ANOS1: variants seen among roughly 807,000 people sequenced by gnomAD.
ANOS1 encodes anosmin 1, also known as anosmin-1.
ANOS1 carries 6 observed loss-of-function variants against 59.0 expected under a neutral mutation model. The ratio of observed to expected loss-of-function variants is 0.10; its 90% CI spans 0.06 to 0.20. The LOEUF (loss-of-function observed/expected upper bound fraction) is 0.20. Among genes scored for constraint, ANOS1 ranks in the 10% least tolerant of loss-of-function variants. The pLI, the probability that ANOS1 is intolerant of heterozygous loss-of-function variation, is 1.00. For synonymous variants in ANOS1, 217 were observed against 223.4 expected (o/e 0.97, Z 0.25); for missense variants, 433 against 542.3 (o/e 0.80, Z 2.00).
chrX:8,722,580 C>T (rs1406068845), intron 1 of ANOS1, among the ~76,000 whole-genome samples: 59 of 110,970 alleles, frequency 5.3e-4, no homozygotes, highest in African/African-American at 1.2e-3. Flanking sequence ...TGTGTACACA[C>T]ACACACACAC....
At chrX:8,571,867 CA>C (rs1930238978) in intron 6 of ANOS1, among the ~76,000 whole-genome samples, 1 of 110,664 alleles carries the variant, frequency 9.0e-6, no homozygotes, top group Non-Finnish European at 1.9e-5. Flanking sequence ...GTTGGAGGCT[CA>C]AAAAAGTAAT....
At chrX:8,550,050 A>C (rs1929831313) in intron 9 of ANOS1, among the ~76,000 whole-genome samples, 1 of 111,914 alleles carries the variant, frequency 8.9e-6, no homozygotes, top group African/African-American at 3.2e-5. Context: ...GGAAAATATA[A>C]AATTCTCATT....
rs1257758085 is a variant in ANOS1 at position 8,668,034 on chromosome X, T to A, written c.255+31664A>T. Among the ~76,000 whole-genome samples the A allele has an allele frequency of 2.4e-4, 26 of 108,339 alleles. No individual in the cohort carries two copies. The Admixed American group carries it at 2.6e-3, about 11-fold the overall frequency. The allele number at this position is 108,339 out of a possible 115,157, so 94.1% of individuals were successfully genotyped here. A position where few individuals can be genotyped will look rare whatever the true frequency, so the allele number is the denominator to read the frequency against. ...CAGGCGTATTTAAGGTATTTTTAAA[T>A]TTTTTTTTTATTTCCATAGGTTATT... On this transcript the variant is annotated intron_variant, in intron 2 of 13. Transcript: ENST00000262648.
intron 2 of ANOS1, among the ~76,000 whole-genome samples, chrX:8,684,703 C>T (rs950122025): frequency 3.7e-5 from 4 of 109,251 alleles, no homozygotes; most frequent in Non-Finnish European, 3.8e-5. Context: ...CTCCCAAACA[C>T]GAAAGCATGA....
chrX:8,536,756 C>T lies in ANOS1; in HGVS notation c.1621+15G>A. 1.7e-6 allele frequency: 2 copies of T among 1,190,193 alleles called. No individual in the cohort carries two copies. The highest frequency in any genetic ancestry group is 2.3e-6 in the Non-Finnish European group (2 of 877,260). ...CGTAGACCTAGATGTAGAAGTCCTT[C>T]AGGTGAAAACGTACCTGCTTCGCCC... is the stretch of plus-strand genomic sequence containing the variant. On this transcript the variant is annotated intron_variant, in intron 11 of 13. Coordinates refer to ENST00000262648, the MANE Select transcript of ANOS1 (RefSeq NM_000216.4).
At chrX:8,635,231 T>A (rs967902375) in intron 2 of ANOS1, among the ~76,000 whole-genome samples, 3 of 111,297 alleles carry the variant, frequency 2.7e-5, no homozygotes, top group Admixed American at 1.9e-4. Flanking sequence ...AAGTCCTTCT[T>A]ACAACATCCA....
chrX:8,729,985 T>C (rs1324385853), intron 1 of ANOS1, among the ~76,000 whole-genome samples: 1 of 111,230 alleles, frequency 9.0e-6, no homozygotes, highest in African/African-American at 3.3e-5. Flanking sequence ...CAGGATTGTC[T>C]AGCAATGTGC....
intron 1 of ANOS1, among the ~76,000 whole-genome samples, chrX:8,710,708 TA>T (rs996173849): frequency 8.9e-6 from 1 of 111,964 alleles, no homozygotes; most frequent in African/African-American, 3.3e-5. Context: ...CCTGAATTCC[TA>T]GCGAAATCTC....
At chrX:8,591,291 T>C (rs1930612458) in intron 4 of ANOS1, among the ~76,000 whole-genome samples, 2 of 111,580 alleles carry the variant, frequency 1.8e-5, no homozygotes, top group Admixed American at 1.9e-4. Flanking sequence ...GCAGAGAACA[T>C]TTCATGATTT....
chrX:8,594,672 A>ATATATG (rs1436120516), intron 4 of ANOS1, among the ~76,000 whole-genome samples: 1 of 55,206 alleles, frequency 1.8e-5, no homozygotes, highest in Non-Finnish European at 3.2e-5. Context: ...ATATATATAT[A>ATATATG]TATATATATA....
chrX:8,611,308 T>C (rs1325612715), intron 3 of ANOS1, among the ~76,000 whole-genome samples: 1 of 84,817 alleles, frequency 1.2e-5, no homozygotes, highest in Non-Finnish European at 2.4e-5. Flanking sequence ...GGGTGGGAAA[T>C]GACCAAAAGG....
intron 5 of ANOS1, among the ~76,000 whole-genome samples, chrX:8,587,310 T>C (rs1930535575): frequency 8.9e-6 from 1 of 111,964 alleles, no homozygotes; most frequent in Non-Finnish European, 1.9e-5. Context: ...TTAGTGAAGA[T>C]TTATGGGCTG....
At chrX:8,662,805 T>C (rs1932062006) in intron 2 of ANOS1, among the ~76,000 whole-genome samples, 1 of 111,608 alleles carries the variant, frequency 9.0e-6, no homozygotes, top group Non-Finnish European at 1.9e-5. Flanking sequence ...GCGGATCATC[T>C]GAGGTCAGGA....
At chrX:8,619,070 C>CAAAAAAAAAAAAAAAAAAAAAAAAAA (rs1164164251) in intron 3 of ANOS1, among the ~76,000 whole-genome samples, 5 of 43,968 alleles carry the variant, frequency 1.1e-4, no homozygotes, top group African/African-American at 2.5e-4. Context: ...AAACCTCTCT[C>CAAAAAAAAAAAAAAAAAAAAAAAAAA]AAAAAAAAAA....
chrX:8,599,335 G>A (rs1181952238), intron 3 of ANOS1, among the ~76,000 whole-genome samples: 2 of 111,723 alleles, frequency 1.8e-5, no homozygotes, highest in African/African-American at 6.5e-5. Flanking sequence ...TAGCTTTGGT[G>A]AACAGAAGTC....
At chrX:8,683,218 T>C (rs1442659384) in intron 2 of ANOS1, among the ~76,000 whole-genome samples, 8 of 111,239 alleles carry the variant, frequency 7.2e-5, no homozygotes, top group Non-Finnish European at 1.9e-5. Context: ...TCAGAAGGAC[T>C]TTGCAGGCAG....
chrX:8,709,137 T>C (rs1209605056), intron 1 of ANOS1, among the ~76,000 whole-genome samples: 1 of 109,281 alleles, frequency 9.2e-6, no homozygotes, highest in African/African-American at 3.3e-5. Context: ...AGGGGAGGGA[T>C]AGCATTAGGA....
chrX:8,689,806 G>A (rs1932579824), intron 2 of ANOS1, among the ~76,000 whole-genome samples: 1 of 109,634 alleles, frequency 9.1e-6, no homozygotes, highest in Non-Finnish European at 1.9e-5. Flanking sequence ...GAGAGAAAGA[G>A]AGAGAGACTT....
chrX:8,692,792 T>C (rs1447775425), intron 2 of ANOS1, among the ~76,000 whole-genome samples: 1 of 111,995 alleles, frequency 8.9e-6, no homozygotes, highest in Non-Finnish European at 1.9e-5. Flanking sequence ...GTATTCACTC[T>C]TCATCAAAGC....
Sources: gnomAD v4.1 joint callset for allele counts (sites outside exome capture counted in the v4.1 genomes callset) on GRCh38, gnomAD v4.1.1 for gene constraint, MANE v1.5 for transcripts, NCBI Gene and HGNC (gene_info 2026-07-23, HGNC 2026-07-21) for gene names.